EYA1: variants seen among roughly 807,000 people sequenced by gnomAD.
EYA1 encodes the protein protein phosphatase EYA1.
In EYA1, 16 loss-of-function variants were observed where a neutral mutation model predicts 82.0. That is an observed-to-expected ratio of 0.20 (90% CI 0.13 to 0.30). EYA1 has a LOEUF of 0.30. Among genes scored for constraint, EYA1 ranks in the 10% least tolerant of loss-of-function variants. EYA1 has a pLI of 1.00. For missense variants in EYA1, 633 were observed against 730.7 expected, an observed-to-expected ratio of 0.87 and a Z score of 1.54; for synonymous variants, 261 against 264.4, an observed-to-expected ratio of 0.99 and a Z score of 0.12.
At chr8:71,469,465 G>T (rs1809024629) in intron 2 of EYA1, among the ~76,000 whole-genome samples, 1 of 152,042 alleles carries the variant, frequency 6.6e-6, no homozygotes, top group African/African-American at 2.4e-5. Flanking sequence ...ATGAAATAAT[G>T]CATGTGTCCT....
chr8:71,412,778 G>A (rs1237055855), intron 2 of EYA1, among the ~76,000 whole-genome samples: 3 of 152,142 alleles, frequency 2.0e-5, no homozygotes, highest in Non-Finnish European at 4.4e-5. Context: ...CAACATCAAG[G>A]GCATCTTTTC....
chr8:71,425,532 A>C (rs1408416555), intron 2 of EYA1, among the ~76,000 whole-genome samples: 1 of 152,168 alleles, frequency 6.6e-6, no homozygotes, highest in African/African-American at 2.4e-5. Context: ...CACAACACAC[A>C]CACAATGGGA....
intron 12 of EYA1, among the ~76,000 whole-genome samples, chr8:71,233,290 T>A (rs191371535): frequency 3.3e-5 from 5 of 151,990 alleles, no homozygotes; most frequent in Admixed American, 2.6e-4. Flanking sequence ...TTCTGCCGGG[T>A]GCGGTGGCTC....
At chr8:71,513,632 T>A (rs763476328) in intron 2 of EYA1, among the ~76,000 whole-genome samples, 2 of 152,048 alleles carry the variant, frequency 1.3e-5, no homozygotes, top group Non-Finnish European at 2.9e-5. Flanking sequence ...TTAGTTATTT[T>A]AAAATATACA....
At chr8:71,393,330 T>C (rs1829386972) in intron 2 of EYA1, among the ~76,000 whole-genome samples, 1 of 152,140 alleles carries the variant, frequency 6.6e-6, no homozygotes, top group East Asian at 1.9e-4. Context: ...AGTTCTAGGG[T>C]ACATGTGCAC....
chr8:71,525,408 A>G (rs1265860827), intron 2 of EYA1, among the ~76,000 whole-genome samples: 1 of 152,220 alleles, frequency 6.6e-6, no homozygotes, highest in Admixed American at 6.5e-5. Context: ...CCTTTGAAAT[A>G]TAAACATTAA....
intron 1 of EYA1, among the ~76,000 whole-genome samples, chr8:71,543,130 T>C (rs954352058): frequency 6.6e-6 from 1 of 152,206 alleles, no homozygotes; most frequent in South Asian, 2.1e-4. Flanking sequence ...ATGTCCAGAA[T>C]GGTGTTGCCT....
At chr8:71,225,354 C>A (rs777034447) in intron 12 of EYA1, 9 of 455,742 alleles carry the variant, frequency 2.0e-5, no homozygotes, top group Non-Finnish European at 3.5e-5. Context: ...CACTGGCAAT[C>A]GCTGGCAGAC....
At chr8:71,227,273 TC>T (rs1810674443) in intron 12 of EYA1, among the ~76,000 whole-genome samples, 1 of 152,202 alleles carries the variant, frequency 6.6e-6, no homozygotes, top group Non-Finnish European at 1.5e-5. Context: ...GGCTTGCTCA[TC>T]ATTTTTGCAA....
At chr8:71,428,035 T>A (rs1172601686) in intron 2 of EYA1, among the ~76,000 whole-genome samples, 1 of 151,356 alleles carries the variant, frequency 6.6e-6, no homozygotes, top group Non-Finnish European at 1.5e-5. Context: ...TATGGGTGAG[T>A]CTGGAACGAG....
chr8:71,251,259 G>C (rs568939837), intron 11 of EYA1, among the ~76,000 whole-genome samples: 1 of 152,260 alleles, frequency 6.6e-6, no homozygotes, highest in South Asian at 2.1e-4. Context: ...ACAGTGAAGA[G>C]GCTCAAAAGG....
chr8:71,294,275 C>A (rs1013267620), intron 9 of EYA1, among the ~76,000 whole-genome samples: 7 of 152,076 alleles, frequency 4.6e-5, no homozygotes, highest in Admixed American at 6.5e-5. Context: ...CTGGCTAACA[C>A]AGTGAAACCC....
intron 4 of EYA1, among the ~76,000 whole-genome samples, chr8:71,326,968 C>A (rs1195400532): frequency 6.6e-6 from 1 of 152,192 alleles, no homozygotes; most frequent in Non-Finnish European, 1.5e-5. Context: ...TTTCATTGAA[C>A]CCAAACTTAT....
chr8:71,236,806 G>T (rs1811892178), intron 12 of EYA1, among the ~76,000 whole-genome samples: 1 of 152,150 alleles, frequency 6.6e-6, no homozygotes, highest in African/African-American at 2.4e-5. Flanking sequence ...AATGCTTATT[G>T]CTATTATCTT....
intron 9 of EYA1, among the ~76,000 whole-genome samples, chr8:71,292,038 C>G (rs773083908): frequency 2.6e-5 from 4 of 151,976 alleles, no homozygotes; most frequent in Non-Finnish European, 4.4e-5. Context: ...TGATTATACA[C>G]ATGAATCATA....
At chr8:71,463,449 T>A (rs1362719373) in intron 2 of EYA1, among the ~76,000 whole-genome samples, 1 of 152,246 alleles carries the variant, frequency 6.6e-6, no homozygotes, top group Non-Finnish European at 1.5e-5. Flanking sequence ...GAAAGCTTCA[T>A]GTATCATGAC....
At chr8:71,364,939 C>CATATATATATAT (rs34890892), upstream of EYA1, among the ~76,000 whole-genome samples, 2 of 88,170 alleles carry the variant, frequency 2.3e-5, no homozygotes, top group Non-Finnish European at 4.3e-5. Context: ...AAGCAAATGT[C>CATATATATATAT]ATATATATAT....
chr8:71,250,871 C>T (rs1371988185), intron 11 of EYA1, among the ~76,000 whole-genome samples: 1 of 152,046 alleles, frequency 6.6e-6, no homozygotes, highest in African/African-American at 2.4e-5. Flanking sequence ...TCAAATAATT[C>T]CAGTGAAGAA....
intron 2 of EYA1, among the ~76,000 whole-genome samples, chr8:71,396,214 T>C (rs201888314): frequency 6.6e-6 from 1 of 152,170 alleles, no homozygotes; most frequent in African/African-American, 2.4e-5. Flanking sequence ...AGCGGTCTAT[T>C]AATTTTGTTG....
Sources: allele counts gnomAD v4.1 joint callset (sites outside exome capture counted in the v4.1 genomes callset), GRCh38; gene constraint gnomAD v4.1.1; transcripts MANE v1.5; gene names NCBI Gene and HGNC (gene_info 2026-07-23, HGNC 2026-07-21).